The following MAN1A2 variants were observed in gnomAD, a reference collection of about 807,000 sequenced individuals.
MAN1A2 encodes the protein mannosidase alpha class 1A member 2, also known as mannosyl-oligosaccharide 1,2-alpha-mannosidase IB.
A neutral mutation model predicts 75.7 loss-of-function variants in MAN1A2; 26 were observed. The observed-to-expected ratio is 0.34, with a 90% CI of 0.25 to 0.48. MAN1A2 has a LOEUF of 0.48. Ranked by LOEUF, MAN1A2 falls within the 20% of genes least tolerant of loss-of-function variation. MAN1A2 has a pLI of 0.99. For synonymous variants in MAN1A2, 247 were observed against 264.6 expected (o/e 0.93, Z 0.65); for missense variants, 562 against 775.5 (o/e 0.72, Z 3.27).
At chr1:117,429,271 A>G (rs886367621) in intron 5 of MAN1A2, among the ~76,000 whole-genome samples, 2 of 141,302 alleles carry the variant, frequency 1.4e-5, no homozygotes, top group African/African-American at 5.2e-5. Flanking sequence ...TTTCTATTCC[A>G]CAAAGCCGCC....
Position 117,387,216 on chromosome 1 carries a change from T to TAAA in MAN1A2, c.303-14953_303-14951dup, listed in dbSNP as rs565416366. Among the ~76,000 whole-genome samples, 28 of 125,540 alleles carry TAAA rather than the reference T, an allele frequency of 2.2e-4. 1 individual carries two copies. Among genetic ancestry groups the TAAA allele is most frequent in the African/African-American group, 7.6e-4 (26 of 34,042 alleles). 82.4% of individuals were successfully genotyped at this position (125,540 alleles called of 152,430 possible). A position where few individuals can be genotyped will look rare whatever the true frequency, so the allele number is the denominator to read the frequency against. On this transcript the variant is annotated intron_variant, in intron 1 of 12. Transcript: ENST00000356554. The stretch of plus-strand genomic sequence containing the variant: ...TTCACATCTATTAGGATGGCTGTTG[T>TAAA]AAAAAAAAAAAAAAAAAAACAAAGT...
At chr1:117,504,507 T>C (rs1331969592) in intron 12 of MAN1A2, among the ~76,000 whole-genome samples, 2 of 151,220 alleles carry the variant, frequency 1.3e-5, no homozygotes, top group African/African-American at 4.8e-5. Flanking sequence ...ATTTCAACAG[T>C]AGGTTTCAAG....
At chr1:117,446,059 A>G (rs1649226431) in intron 6 of MAN1A2, among the ~76,000 whole-genome samples, 1 of 150,674 alleles carries the variant, frequency 6.6e-6, no homozygotes, top group African/African-American at 2.4e-5. Context: ...TTTCACTTAA[A>G]TTAGAAAATT....
intron 5 of MAN1A2, among the ~76,000 whole-genome samples, chr1:117,422,945 G>GTT (rs1648245828): frequency 6.6e-6 from 1 of 151,934 alleles, no homozygotes; most frequent in African/African-American, 2.4e-5. Flanking sequence ...GTCTTTTATG[G>GTT]TTCATGCATT....
intron 5 of MAN1A2, among the ~76,000 whole-genome samples, chr1:117,439,785 A>G (rs1286865147): frequency 6.6e-6 from 1 of 152,074 alleles, no homozygotes; most frequent in Non-Finnish European, 1.5e-5. Flanking sequence ...GTGAGCCACC[A>G]CGCCCAGCCT....
chr1:117,506,433 C>A (rs10923325), intron 12 of MAN1A2, among the ~76,000 whole-genome samples: 11,567 of 151,554 alleles, frequency 0.076, 495 homozygotes, highest in Middle Eastern at 0.15. Flanking sequence ...CCAGAAGAGG[C>A]CATGTCTCCT....
At chr1:117,441,745 A>C (rs190582720) in intron 5 of MAN1A2, among the ~76,000 whole-genome samples, 15 of 152,318 alleles carry the variant, frequency 9.8e-5, no homozygotes, top group Non-Finnish European at 1.8e-4. Context: ...ATAACTCTCA[A>C]AGTAAACTTA....
chr1:117,474,421 A>G (rs1380612076), intron 8 of MAN1A2, among the ~76,000 whole-genome samples: 1 of 148,980 alleles, frequency 6.7e-6, no homozygotes, highest in Non-Finnish European at 1.5e-5. Flanking sequence ...TTACTTTCCT[A>G]TTCTTTACTC....
chr1:117,374,804 A>G (rs983241472), intron 1 of MAN1A2, among the ~76,000 whole-genome samples: 1 of 152,238 alleles, frequency 6.6e-6, no homozygotes, highest in South Asian at 2.1e-4. Context: ...GAAGTAGGGA[A>G]CTGAAGAGTG....
intron 1 of MAN1A2, among the ~76,000 whole-genome samples, chr1:117,370,417 G>T (rs1652921746): frequency 6.6e-6 from 1 of 152,180 alleles, no homozygotes; most frequent in Non-Finnish European, 1.5e-5. Context: ...GGTGGCAAAG[G>T]ATCCTTGTGT....
intron 1 of MAN1A2, among the ~76,000 whole-genome samples, chr1:117,378,219 A>G (rs1054317502): frequency 3.9e-5 from 6 of 152,172 alleles, no homozygotes; most frequent in Admixed American, 1.3e-4. Flanking sequence ...AAATCCTAAC[A>G]TTTTCTTATT....
chr1:117,402,528 T>G, intron 2 of MAN1A2, 87 bp downstream of exon 2: 1 of 1,303,994 alleles, frequency 7.7e-7, no homozygotes, highest in Non-Finnish European at 1.0e-6. Context: ...TATCCTGTTT[T>G]GATCTGTTTA....
chr1:117,477,355 T>C (rs1054696596), intron 8 of MAN1A2, among the ~76,000 whole-genome samples: 4 of 151,976 alleles, frequency 2.6e-5, no homozygotes, highest in African/African-American at 9.7e-5. Flanking sequence ...TCCAGGCCAA[T>C]ATCCCTGATG....
At chr1:117,405,358 T>C (rs946443679) in intron 2 of MAN1A2, among the ~76,000 whole-genome samples, 191 bp from the exon 3 acceptor site, 2 of 152,202 alleles carry the variant, frequency 1.3e-5, no homozygotes, top group African/African-American at 4.8e-5. Flanking sequence ...CCCATTTTTT[T>C]CCTGTCATAT....
At chr1:117,373,373 G>A (rs1279214172) in intron 1 of MAN1A2, among the ~76,000 whole-genome samples, 4 of 151,330 alleles carry the variant, frequency 2.6e-5, no homozygotes, top group Non-Finnish European at 4.4e-5. Context: ...CTTATAAATT[G>A]CTCATGGTTA....
chr1:117,492,370 C>A (rs1165790853), intron 8 of MAN1A2, among the ~76,000 whole-genome samples: 1 of 152,036 alleles, frequency 6.6e-6, no homozygotes, highest in East Asian at 1.9e-4. Flanking sequence ...TGCTGAAAGC[C>A]TCAGATCATT....
chr1:117,476,928 A>G (rs1441700237), intron 8 of MAN1A2, among the ~76,000 whole-genome samples: 1 of 152,076 alleles, frequency 6.6e-6, no homozygotes, highest in African/African-American at 2.4e-5. Flanking sequence ...GATAGCACTG[A>G]ATCTGTAAAT....
intron 1 of MAN1A2, among the ~76,000 whole-genome samples, chr1:117,398,290 A>G (rs1011069167): frequency 6.6e-6 from 1 of 152,210 alleles, no homozygotes; most frequent in African/African-American, 2.4e-5. Flanking sequence ...AGTGACTTGA[A>G]GGTAAAGAAG....
At position 117,527,420 on chromosome 1, in the gene MAN1A2, C is replaced by G. The variant is rs988204953; in HGVS notation, c.*4463C>G. On this transcript the variant is annotated 3_prime_UTR_variant, in exon 13 of 13. Transcript: ENST00000356554. ...AGACCCTCTAACCTTTGATCTGCGT[C>G]TTTTCTGTTTTGATTTACATAATTC... is the stretch of plus-strand genomic sequence containing the variant. 4 of 151,942 alleles carry G rather than the reference C, an allele frequency of 2.6e-5. No homozygotes were observed. The highest frequency in any genetic ancestry group is 5.9e-5 in the Non-Finnish European group (4 of 67,898). The allele number at this position is 151,942 out of a possible 1,614,324, so 9.4% of individuals were successfully genotyped here. A position where few individuals can be genotyped will look rare whatever the true frequency, so the allele number is the denominator to read the frequency against.
Sources: allele counts gnomAD v4.1 joint callset (sites outside exome capture counted in the v4.1 genomes callset), GRCh38; gene constraint gnomAD v4.1.1; transcripts MANE v1.5; gene names NCBI Gene and HGNC (gene_info 2026-07-23, HGNC 2026-07-21).